Variants in ATP10B observed in about 807,000 individuals in gnomAD.
ATP10B encodes the protein phospholipid-transporting ATPase VB.
Under a neutral mutation model 141.2 loss-of-function variants are expected in ATP10B, and 122 were observed. The ratio of observed to expected loss-of-function variants is 0.86; its 90% CI spans 0.75 to 1.00. The LOEUF is 1.00. ATP10B is among the 50% of genes least tolerant of loss of function. The pLI is 0.00. For missense variants in ATP10B, 1,876 were observed against 1,825.3 expected (o/e 1.03, Z -0.51); for synonymous variants, 685 against 692.0 (o/e 0.99, Z 0.16).
the ATP10B span, among the ~76,000 whole-genome samples, chr5:160,889,914 C>T: frequency 6.6e-6 from 1 of 152,162 alleles, no homozygotes; most frequent in Admixed American, 6.5e-5. Context: ...ACCTCCTACC[C>T]TGAGGCCTTT....
chr5:160,644,283 G>T (rs1203969572), intron 8 of ATP10B, 39 bp from the exon 9 acceptor site: 1 of 1,440,114 alleles, frequency 6.9e-7, no homozygotes, highest in Non-Finnish European at 9.8e-7. Flanking sequence ...TGGTTTGGTG[G>T]CCTTTCCTTG....
chr5:160,918,377 G>A, the ATP10B span, among the ~76,000 whole-genome samples: 5 of 152,226 alleles, frequency 3.3e-5, no homozygotes, highest in East Asian at 5.8e-4. Flanking sequence ...GAAGGCTTCC[G>A]TGTGGCAATC....
chr5:160,709,760 C>T lies in ATP10B; in HGVS notation c.-205+7149G>A, dbSNP rs1393777486. ...ATCTCCCAATGCTATCCCTCCCCCC[C>T]TCCCCCGACCCCACCACAGTCCCCA... On this transcript the variant is annotated intron_variant, in intron 3 of 25. Coordinates refer to ENST00000327245, the MANE Select transcript of ATP10B (RefSeq NM_025153.3). Among the ~76,000 whole-genome samples, 207 of 65,144 alleles carry T rather than the reference C, an allele frequency of 3.2e-3. 5 individuals are homozygous for T. Among genetic ancestry groups the T allele is most frequent in the South Asian group, 0.012 (19 of 1,582 alleles). 42.7% of individuals were successfully genotyped at this position (65,144 alleles called of 152,430 possible). A position where few individuals can be genotyped will look rare whatever the true frequency, so the allele number is the denominator to read the frequency against.
At chr5:160,851,694 C>CAA (rs1296571732) in intron 1 of ATP10B, among the ~76,000 whole-genome samples, 1 of 152,204 alleles carries the variant, frequency 6.6e-6, no homozygotes, top group Non-Finnish European at 1.5e-5. Context: ...ATTCAGACTG[C>CAA]AAGCCCTGTT....
chr5:160,752,364 T>A (rs75707076), intron 2 of ATP10B, among the ~76,000 whole-genome samples: 1 of 152,146 alleles, frequency 6.6e-6, no homozygotes, highest in East Asian at 1.9e-4. Flanking sequence ...TGTGACAGGC[T>A]TAATGAGGAC....
At chr5:160,583,599 A>C (rs1755692718) in intron 24 of ATP10B, among the ~76,000 whole-genome samples, 1 of 152,174 alleles carries the variant, frequency 6.6e-6, no homozygotes, top group Non-Finnish European at 1.5e-5. Context: ...GCCGTCAGGA[A>C]CGTTTAAGTC....
At chr5:160,769,873 G>A (rs2127854044) in intron 2 of ATP10B, among the ~76,000 whole-genome samples, 1 of 152,260 alleles carries the variant, frequency 6.6e-6, no homozygotes, top group East Asian at 1.9e-4. Flanking sequence ...AGTCAGACAT[G>A]CCCTAATGAT....
At chr5:160,770,876 T>C (rs750492305) in intron 2 of ATP10B, among the ~76,000 whole-genome samples, 1 of 152,228 alleles carries the variant, frequency 6.6e-6, no homozygotes, top group Non-Finnish European at 1.5e-5. Flanking sequence ...AGGTGTTACT[T>C]GAATGATGGT....
chr5:160,628,927 GT>G (rs150496935), intron 13 of ATP10B, among the ~76,000 whole-genome samples: 3 of 148,096 alleles, frequency 2.0e-5, no homozygotes, highest in African/African-American at 2.5e-5. Flanking sequence ...ATGGTTTCTT[GT>G]TTTTTTTTGT....
chr5:160,744,023 C>T (rs1247739738), intron 2 of ATP10B, among the ~76,000 whole-genome samples: 2 of 152,128 alleles, frequency 1.3e-5, no homozygotes, highest in Non-Finnish European at 1.5e-5. Context: ...TCTCTAGAAG[C>T]TTGGTATTTA....
At chr5:160,755,794 G>A (rs1471287469) in intron 2 of ATP10B, among the ~76,000 whole-genome samples, 5 of 127,742 alleles carry the variant, frequency 3.9e-5, no homozygotes, top group Middle Eastern at 7.0e-3. Context: ...CAGCCTGGGC[G>A]ACAGAGCGAG....
chr5:160,801,561 C>T (rs768768797), intron 1 of ATP10B, among the ~76,000 whole-genome samples: 15 of 152,304 alleles, frequency 9.8e-5, no homozygotes, highest in Non-Finnish European at 2.2e-4. Context: ...ATTCCTATAT[C>T]CAGAGTAGCA....
At chr5:160,757,953 A>G (rs1414665751) in intron 2 of ATP10B, among the ~76,000 whole-genome samples, 3 of 152,184 alleles carry the variant, frequency 2.0e-5, no homozygotes, top group Admixed American at 6.5e-5. Flanking sequence ...GCAACCAAAA[A>G]TGTCTCCAGA....
chr5:160,680,350 A>G (rs1442753140), intron 6 of ATP10B, among the ~76,000 whole-genome samples: 1 of 152,170 alleles, frequency 6.6e-6, no homozygotes, highest in Non-Finnish European at 1.5e-5. Flanking sequence ...GACATCTGTC[A>G]TGTGTCCTTG....
chr5:160,576,502 T>C (rs1384393660), intron 24 of ATP10B, among the ~76,000 whole-genome samples: 3 of 152,262 alleles, frequency 2.0e-5, no homozygotes, highest in South Asian at 4.2e-4. Flanking sequence ...GAAAGGGAGC[T>C]GGAAGCAGCA....
At chr5:160,723,991 G>A (rs1766156453) in intron 2 of ATP10B, among the ~76,000 whole-genome samples, 1 of 152,122 alleles carries the variant, frequency 6.6e-6, no homozygotes, top group Non-Finnish European at 1.5e-5. Context: ...GGACATGGAT[G>A]GAGCCATTAT....
At chr5:160,659,655 T>C (rs972628239) in intron 7 of ATP10B, among the ~76,000 whole-genome samples, 1 of 151,910 alleles carries the variant, frequency 6.6e-6, no homozygotes, top group African/African-American at 2.4e-5. Flanking sequence ...CACATGCAAG[T>C]AGAAGACTGG....
At chr5:160,891,167 C>T in the ATP10B span, among the ~76,000 whole-genome samples, 36 of 152,280 alleles carry the variant, frequency 2.4e-4, no homozygotes, top group African/African-American at 7.7e-4. Context: ...TAACAGCTAC[C>T]TATGTTTGCA....
chr5:160,594,930 G>A (rs1031355406), intron 22 of ATP10B, among the ~76,000 whole-genome samples: 1,549 of 152,210 alleles, frequency 0.01, 17 homozygotes, highest in Non-Finnish European at 0.016. Flanking sequence ...TTAGACTCCC[G>A]CACAATAATA....
Sources: gnomAD v4.1 joint callset for allele counts (sites outside exome capture counted in the v4.1 genomes callset) on GRCh38, gnomAD v4.1.1 for gene constraint, MANE v1.5 for transcripts, NCBI Gene and HGNC (gene_info 2026-07-23, HGNC 2026-07-21) for gene names.